Variants in NEK11 observed in about 807,000 individuals in gnomAD.
NEK11 encodes serine/threonine-protein kinase Nek11.
A neutral mutation model predicts 80.7 loss-of-function variants in NEK11; 72 were observed. That is an observed-to-expected ratio of 0.89 (90% CI 0.74 to 1.08). The LOEUF (loss-of-function observed/expected upper bound fraction) is 1.08. Ranked by LOEUF, NEK11 falls within the 50% of genes least tolerant of loss-of-function variation. The probability of loss-of-function intolerance (pLI) is 0.00; values close to 1 mark genes in which losing one functional copy is unlikely to be tolerated. For missense variants in NEK11, 764 were observed against 763.6 expected (o/e 1.00, Z -0.01); for synonymous variants, 251 against 260.7 (o/e 0.96, Z 0.36).
At chr3:131,121,545 T>C (rs1006559282) in intron 5 of NEK11, among the ~76,000 whole-genome samples, 3 of 152,208 alleles carry the variant, frequency 2.0e-5, no homozygotes, top group African/African-American at 7.2e-5. Context: ...CTGCAGAAGT[T>C]TCTGCTGCCT....
At chr3:131,249,630 C>A (rs141477694) in intron 16 of NEK11, among the ~76,000 whole-genome samples, 5 of 152,180 alleles carry the variant, frequency 3.3e-5, no homozygotes, top group African/African-American at 1.2e-4. Context: ...AGATACCATT[C>A]CTACTTGGCT....
chr3:131,319,129 T>A (rs544488139), intron 17 of NEK11, among the ~76,000 whole-genome samples: 1 of 152,194 alleles, frequency 6.6e-6, no homozygotes, highest in Non-Finnish European at 1.5e-5. Flanking sequence ...TTCATAGATG[T>A]GACCTTTTAT....
chr3:131,309,193 G>C (rs1325157317), intron 17 of NEK11, among the ~76,000 whole-genome samples: 1 of 152,156 alleles, frequency 6.6e-6, no homozygotes. Context: ...TCTGCTGTTT[G>C]TTTGGCCTGT....
intron 13 of NEK11, 47 bp downstream of exon 13, chr3:131,168,984 G>C: frequency 7.1e-7 from 1 of 1,416,492 alleles, no homozygotes. Context: ...CAGGTTTAAT[G>C]ATATCCAGAG....
At chr3:131,233,641 G>A (rs1336082507) in intron 15 of NEK11, among the ~76,000 whole-genome samples, 3 of 152,150 alleles carry the variant, frequency 2.0e-5, no homozygotes, top group African/African-American at 7.2e-5. Flanking sequence ...AAAATGAGCT[G>A]AGAGATATAA....
intron 15 of NEK11, among the ~76,000 whole-genome samples, chr3:131,235,123 G>T (rs2095408851): frequency 6.6e-6 from 1 of 152,188 alleles, no homozygotes. Flanking sequence ...GCTGATCAGA[G>T]GTCCACAGGT....
intron 7 of NEK11, among the ~76,000 whole-genome samples, chr3:131,148,029 C>T (rs1259170067): frequency 6.6e-6 from 1 of 151,648 alleles, no homozygotes; most frequent in Non-Finnish European, 1.5e-5. Flanking sequence ...TAAGGAAGTT[C>T]CCTCCTATAT....
intron 7 of NEK11, among the ~76,000 whole-genome samples, chr3:131,141,314 A>G (rs955361758): frequency 5.3e-5 from 8 of 152,212 alleles, no homozygotes; most frequent in African/African-American, 1.9e-4. Flanking sequence ...GGTAGAGAGC[A>G]TCAGCTACAG....
intron 17 of NEK11, among the ~76,000 whole-genome samples, chr3:131,303,477 T>C (rs1031824997): frequency 3.1e-4 from 47 of 152,220 alleles, no homozygotes; most frequent in Admixed American, 2.0e-3. Context: ...TGTCTTTCCT[T>C]TTCATATTTA....
intron 16 of NEK11, among the ~76,000 whole-genome samples, chr3:131,272,463 C>CTTTTTTGTTTTTTTT (rs2096211513): frequency 2.3e-5 from 1 of 43,884 alleles, no homozygotes; most frequent in Non-Finnish European, 4.1e-5. Context: ...GTTTTAGCTT[C>CTTTTTTGTTTTTTTT]TTTTTTTTTT....
chr3:131,347,480 C>T (rs927803338), intron 17 of NEK11, among the ~76,000 whole-genome samples: 12 of 152,080 alleles, frequency 7.9e-5, no homozygotes, highest in African/African-American at 1.7e-4. Flanking sequence ...GGCCACAATA[C>T]GTAACACATA....
At chr3:131,030,782 C>T (rs987637344) in intron 3 of NEK11, among the ~76,000 whole-genome samples, 1 of 152,198 alleles carries the variant, frequency 6.6e-6, no homozygotes, top group Non-Finnish European at 1.5e-5. Flanking sequence ...TAGAGAAAAA[C>T]TCTTAATAGC....
chr3:131,090,876 C>T (rs1197043627), intron 4 of NEK11, among the ~76,000 whole-genome samples: 1 of 152,112 alleles, frequency 6.6e-6, no homozygotes, highest in Non-Finnish European at 1.5e-5. Flanking sequence ...ATGCTCTTCC[C>T]ACTCCACGCT....
chr3:131,330,449 G>A (rs2097057156), intron 17 of NEK11: 1 of 152,232 alleles, frequency 6.6e-6, no homozygotes, highest in South Asian at 2.1e-4. Flanking sequence ...GAAACTAGAT[G>A]ACCCACCTTG....
intron 7 of NEK11, among the ~76,000 whole-genome samples, chr3:131,141,136 C>T (rs935640986): frequency 1.3e-5 from 2 of 152,146 alleles, no homozygotes; most frequent in African/African-American, 4.8e-5. Context: ...TTTAGCCTTA[C>T]TCCTTCTTGC....
chr3:131,304,176 T>C (rs959540937), intron 17 of NEK11, among the ~76,000 whole-genome samples: 1 of 152,254 alleles, frequency 6.6e-6, no homozygotes, highest in African/African-American at 2.4e-5. Flanking sequence ...TTTGAAATTT[T>C]TTCCACAGCT....
At chr3:131,232,587 G>A (rs902669775) in intron 15 of NEK11, among the ~76,000 whole-genome samples, 2 of 152,204 alleles carry the variant, frequency 1.3e-5, no homozygotes, top group Non-Finnish European at 2.9e-5. Context: ...TAATTCTGAA[G>A]TTCTCAATGC....
chr3:131,265,133 C>T (rs565220283), intron 16 of NEK11, among the ~76,000 whole-genome samples: 94 of 152,264 alleles, frequency 6.2e-4, no homozygotes, highest in African/African-American at 2.2e-3. Context: ...AGGGGGTTTT[C>T]TAAATATAGA....
At chr3:131,066,311 A>C (rs899204092) in intron 3 of NEK11, among the ~76,000 whole-genome samples, 2 of 152,196 alleles carry the variant, frequency 1.3e-5, no homozygotes, top group Non-Finnish European at 2.9e-5. Flanking sequence ...TTGCTGTAAA[A>C]TTTTTGAAAA....
Sources: gnomAD v4.1 joint callset for allele counts (sites outside exome capture counted in the v4.1 genomes callset) on GRCh38, gnomAD v4.1.1 for gene constraint, MANE v1.5 for transcripts, NCBI Gene and HGNC (gene_info 2026-07-23, HGNC 2026-07-21) for gene names.